The following BTRC variants were observed in gnomAD, a reference collection of about 807,000 sequenced individuals.
The protein encoded by BTRC is beta-transducin repeat containing E3 ubiquitin protein ligase.
BTRC carries 42 observed loss-of-function variants against 85.5 expected under a neutral mutation model. The ratio of observed to expected loss-of-function variants is 0.49; its 90% CI spans 0.38 to 0.64. The LOEUF (loss-of-function observed/expected upper bound fraction) is 0.64. Ranked by LOEUF, BTRC falls within the 30% of genes least tolerant of loss-of-function variation. The probability of loss-of-function intolerance (pLI) is 0.00; values close to 1 mark genes in which losing one functional copy is unlikely to be tolerated. For missense variants in BTRC, 594 were observed against 743.5 expected (o/e 0.80, Z 2.34); for synonymous variants, 255 against 263.3 (o/e 0.97, Z 0.30).
In BTRC at chr10:101,477,207, G is replaced by A. The variant is rs190421784; in HGVS notation, c.235-2161G>A. 6.6e-4 allele frequency among the ~76,000 whole-genome samples: 100 copies of A among 151,398 alleles called. 1 individual carries two copies. The highest frequency in any genetic ancestry group is 2.3e-3 in the African/African-American group (94 of 41,228). ...GTAGAGACGGGGTTTCACCATGTTG[G>A]TCAGGCTGGTCTCAAACTTCTGATC... On this transcript the variant is annotated intron_variant, in intron 3 of 14. Transcript: ENST00000370187.
intron 6 of BTRC, among the ~76,000 whole-genome samples, chr10:101,527,795 T>TAC (rs5787437): frequency 0.012 from 1,763 of 145,312 alleles, 12 homozygotes; most frequent in Middle Eastern, 0.017. Context: ...CTCTCTCACA[T>TAC]ACACACACAC....
chr10:101,523,314 T>TA (rs2062147420), intron 5 of BTRC, among the ~76,000 whole-genome samples: 1 of 152,166 alleles, frequency 6.6e-6, no homozygotes, highest in Non-Finnish European at 1.5e-5. Flanking sequence ...GTTGTGGTGT[T>TA]AAATAAATAT....
At chr10:101,436,292 G>A (rs779555109) in intron 2 of BTRC, among the ~76,000 whole-genome samples, 1 of 152,122 alleles carries the variant, frequency 6.6e-6, no homozygotes, top group African/African-American at 2.4e-5. Context: ...GAGTAATTAA[G>A]ATTCTTTATT....
chr10:101,471,838 A>G (rs1945532941), intron 3 of BTRC, among the ~76,000 whole-genome samples: 1 of 152,126 alleles, frequency 6.6e-6, no homozygotes, highest in Non-Finnish European at 1.5e-5. Context: ...AATTTTGGTA[A>G]TTTGTGTTTT....
intron 4 of BTRC, among the ~76,000 whole-genome samples, chr10:101,507,197 C>T (rs1004308298): frequency 6.6e-6 from 1 of 152,010 alleles, no homozygotes; most frequent in African/African-American, 2.4e-5. Context: ...TTTAACAGTA[C>T]GTAGAAAGTT....
chr10:101,476,549 G>A (rs1020487343), intron 3 of BTRC, among the ~76,000 whole-genome samples: 19 of 151,894 alleles, frequency 1.3e-4, no homozygotes, highest in Non-Finnish European at 2.5e-4. Flanking sequence ...ATAGCTCCCT[G>A]CAGTCTTCAA....
At chr10:101,546,757 T>G (rs968892927) in intron 13 of BTRC, among the ~76,000 whole-genome samples, 4 of 152,146 alleles carry the variant, frequency 2.6e-5, no homozygotes, top group Non-Finnish European at 5.9e-5. Context: ...GCTAGTTCTT[T>G]GAAAGGATCA....
chr10:101,538,448 G>C, intron 13 of BTRC, 77 bp downstream of exon 13: 1 of 1,337,526 alleles, frequency 7.5e-7, no homozygotes, highest in Non-Finnish European at 1.1e-6. Context: ...TGTGGAATAT[G>C]GATTTGAATT....
rs753321273 is a variant in BTRC, at chr10:101,550,611, G to A, written c.1657-88G>A. 269 of 1,406,356 alleles carry A rather than the reference G, an allele frequency of 1.9e-4. 1 individual carries two copies. The highest frequency in any genetic ancestry group is 3.2e-4 in the Admixed American group (18 of 55,570). 87.1% of individuals were successfully genotyped at this position (1,406,356 alleles called of 1,614,324 possible). On this transcript the variant is annotated intron_variant, in intron 13 of 14. Coordinates refer to ENST00000370187, the MANE Select transcript of BTRC (RefSeq NM_033637.4). ...TATAACAGCAAACCATAGCCTTTCC[G>A]TAGACTCCTTTTGACATGTTGCTGA...
At chr10:101,469,323 T>C (rs1225815414) in intron 3 of BTRC, among the ~76,000 whole-genome samples, 5 of 152,166 alleles carry the variant, frequency 3.3e-5, no homozygotes, top group Non-Finnish European at 7.4e-5. Context: ...TGTTACTTCC[T>C]TGGGAGATCA....
chr10:101,442,813 C>A (rs1225167160), intron 2 of BTRC, among the ~76,000 whole-genome samples: 14 of 151,220 alleles, frequency 9.3e-5, no homozygotes, highest in Admixed American at 9.2e-4. Context: ...AAGGTGTTAC[C>A]AGATTTTGCT....
At chr10:101,533,735 TA>T (rs1187515874) in intron 9 of BTRC, among the ~76,000 whole-genome samples, 1 of 152,150 alleles carries the variant, frequency 6.6e-6, no homozygotes, top group African/African-American at 2.4e-5. Context: ...AAAAAGCGGT[TA>T]AGTGCATTGT....
intron 1 of BTRC, among the ~76,000 whole-genome samples, chr10:101,416,948 AT>A (rs1943961775): frequency 6.6e-6 from 1 of 152,154 alleles, no homozygotes; most frequent in African/African-American, 2.4e-5. Flanking sequence ...ATTAATTTAT[AT>A]TCCATGTTTT....
intron 4 of BTRC, among the ~76,000 whole-genome samples, chr10:101,493,201 T>G (rs1946177209): frequency 6.6e-6 from 1 of 152,226 alleles, no homozygotes; most frequent in African/African-American, 2.4e-5. Flanking sequence ...TCTCAAAATG[T>G]ATTTGAATGT....
In BTRC at chr10:101,549,031, C is replaced by T. The variant is rs1489515465; in HGVS notation, c.1657-1668C>T. On this transcript the variant is annotated intron_variant, in intron 13 of 14. Transcript: ENST00000370187. ...TCGCGCCACTGCACTCCACCCTGGG[C>T]GACAGAGCGAGACTCTGTCTCAAAA... Among the ~76,000 whole-genome samples the T allele has an allele frequency of 1.3e-4, 19 of 150,716 alleles. No individual in the cohort carries two copies. The South Asian group carries it at 1.3e-3, about 10-fold the overall frequency.
chr10:101,530,356 T>TG (rs2062261571), intron 6 of BTRC, among the ~76,000 whole-genome samples: 1 of 152,176 alleles, frequency 6.6e-6, no homozygotes, highest in Non-Finnish European at 1.5e-5. Flanking sequence ...AAAGCATAGT[T>TG]GCACTGATTA....
intron 1 of BTRC, among the ~76,000 whole-genome samples, chr10:101,384,437 C>G (rs1346406693): frequency 1.3e-5 from 2 of 152,214 alleles, no homozygotes; most frequent in African/African-American, 4.8e-5. Context: ...TGTAGCTAAA[C>G]TGATGTGCCT....
intron 4 of BTRC, among the ~76,000 whole-genome samples, chr10:101,496,697 C>G (rs974207174): frequency 6.6e-6 from 1 of 152,084 alleles, no homozygotes; most frequent in African/African-American, 2.4e-5. Flanking sequence ...TCTCTGAACA[C>G]TATTAAAATT....
chr10:101,529,416 C>G (rs1372667112), intron 6 of BTRC, among the ~76,000 whole-genome samples: 1 of 152,128 alleles, frequency 6.6e-6, no homozygotes, highest in Non-Finnish European at 1.5e-5. Flanking sequence ...TAAAAGAAGA[C>G]AGGAATCTCA....
Sources: gnomAD v4.1 joint callset for allele counts (sites outside exome capture counted in the v4.1 genomes callset) on GRCh38, gnomAD v4.1.1 for gene constraint, MANE v1.5 for transcripts, NCBI Gene and HGNC (gene_info 2026-07-23, HGNC 2026-07-21) for gene names.